The following PPP1R42 variants were observed in gnomAD, a reference collection of about 807,000 sequenced individuals.
The protein encoded by PPP1R42 is leucine rich repeat containing 67.
A neutral mutation model predicts 31.0 loss-of-function variants in PPP1R42; 34 were observed. The observed-to-expected ratio is 1.10, with a 90% CI of 0.83 to 1.46. PPP1R42 has a LOEUF of 1.46. Ranked by LOEUF, PPP1R42 falls within the 40% of genes most tolerant of loss-of-function variation. PPP1R42 has a pLI of 0.00. For missense variants in PPP1R42, 268 were observed against 303.0 expected (o/e 0.88, Z 0.86); for synonymous variants, 103 against 109.8 (o/e 0.94, Z 0.39).
chr8:66,994,726 T>C (rs191513396), intron 5 of PPP1R42, among the ~76,000 whole-genome samples: 2 of 152,336 alleles, frequency 1.3e-5, no homozygotes, highest in Admixed American at 6.5e-5. Context: ...GAGTAATCTA[T>C]TACAATATTT....
chr8:67,023,793 A>G (rs1043632714), intron 1 of PPP1R42, among the ~76,000 whole-genome samples: 2 of 151,824 alleles, frequency 1.3e-5, no homozygotes, highest in East Asian at 1.9e-4. Context: ...ACCAAGTATG[A>G]TATCTGCTGT....
intron 6 of PPP1R42, chr8:66,984,857 G>A (rs1226118454): frequency 3.8e-6 from 6 of 1,587,712 alleles, no homozygotes; most frequent in African/African-American, 1.3e-5. Context: ...AGTTCCTTCT[G>A]TGCTTCCCTC....
At chr8:67,026,418 C>A (rs1340421550) in intron 1 of PPP1R42, among the ~76,000 whole-genome samples, 1 of 151,996 alleles carries the variant, frequency 6.6e-6, no homozygotes, top group African/African-American at 2.4e-5. Flanking sequence ...GTGAAGGGTT[C>A]CTGTAAAAAC....
chr8:66,968,969 C>T lies in PPP1R42; in HGVS notation c.803-4635G>A, dbSNP rs555054818. Among the ~76,000 whole-genome samples, 11 of 152,284 alleles carry T rather than the reference C, an allele frequency of 7.2e-5. No homozygotes were observed. In the East Asian group the frequency reaches 2.1e-3, roughly 29 times the overall value. On this transcript the variant is annotated intron_variant, in intron 7 of 7. Transcript: ENST00000685739. ...CAGAGGCAGGACATTCTTATGTTCT[C>T]ACAGAACCCTTTTGGTTTGCTGGCT...
chr8:66,987,233 A>C (rs576546387), intron 6 of PPP1R42, among the ~76,000 whole-genome samples: 6 of 151,402 alleles, frequency 4.0e-5, no homozygotes, highest in Non-Finnish European at 8.8e-5. Flanking sequence ...CTGAGGAATG[A>C]CTAGGAAACT....
At chr8:67,012,914 T>G in intron 4 of PPP1R42, 44 bp downstream of exon 4, 5 of 1,531,524 alleles carry the variant, frequency 3.3e-6, no homozygotes, top group South Asian at 1.3e-5. Context: ...TTATAACTTG[T>G]TAATCACTAT....
chr8:66,997,023 T>C (rs1412112774), intron 5 of PPP1R42, among the ~76,000 whole-genome samples: 1 of 152,118 alleles, frequency 6.6e-6, no homozygotes, highest in African/African-American at 2.4e-5. Flanking sequence ...TGTGGTGGCA[T>C]GTGCCTGTAA....
At chr8:67,012,874 C>T in intron 4 of PPP1R42, 84 bp downstream of exon 4, 6 of 1,333,112 alleles carry the variant, frequency 4.5e-6, no homozygotes, top group Non-Finnish European at 6.0e-6. Flanking sequence ...GTACAATGTC[C>T]AAATATACCT....
At chr8:67,003,697 G>A (rs1815579627) in intron 5 of PPP1R42, among the ~76,000 whole-genome samples, 2 of 152,084 alleles carry the variant, frequency 1.3e-5, no homozygotes, top group African/African-American at 2.4e-5. Context: ...TGGTCCAAAT[G>A]TGTCCCCCAA....
intron 5 of PPP1R42, among the ~76,000 whole-genome samples, chr8:67,004,445 G>A (rs1042158250): frequency 6.6e-6 from 1 of 152,146 alleles, no homozygotes; most frequent in Non-Finnish European, 1.5e-5. Flanking sequence ...TGGATCTTCT[G>A]AATTAATTCT....
At chr8:67,028,455 C>T (rs1005850952) in intron 1 of PPP1R42, 36 bp downstream of exon 1, 22 of 984,196 alleles carry the variant, frequency 2.2e-5, no homozygotes, top group Admixed American at 1.8e-4. Flanking sequence ...CTAGGGTTTC[C>T]TCGGTCCCCA....
chr8:66,979,277 C>G (rs913810627), intron 7 of PPP1R42, among the ~76,000 whole-genome samples: 8 of 152,118 alleles, frequency 5.3e-5, no homozygotes, highest in Non-Finnish European at 1.0e-4. Flanking sequence ...TATGGATATC[C>G]AGTTTTCCCA....
intron 5 of PPP1R42, among the ~76,000 whole-genome samples, chr8:66,998,258 G>A (rs1815390306): frequency 6.6e-6 from 1 of 152,080 alleles, no homozygotes; most frequent in African/African-American, 2.4e-5. Context: ...TTATTGTACA[G>A]CTCTTGCACA....
intron 1 of PPP1R42, among the ~76,000 whole-genome samples, chr8:67,019,571 CTT>C (rs1430997965): frequency 4.0e-5 from 6 of 151,826 alleles, no homozygotes; most frequent in African/African-American, 1.5e-4. Flanking sequence ...ATTATTCACT[CTT>C]GGAGTAAAAA....
At chr8:66,972,765 A>G (rs1479682761) in intron 7 of PPP1R42, among the ~76,000 whole-genome samples, 1 of 152,156 alleles carries the variant, frequency 6.6e-6, no homozygotes, top group East Asian at 1.9e-4. Flanking sequence ...TTGTCATATT[A>G]TCCTATTTCC....
chr8:67,010,139 C>T (rs527743506), intron 5 of PPP1R42, among the ~76,000 whole-genome samples: 5 of 152,254 alleles, frequency 3.3e-5, no homozygotes, highest in Admixed American at 6.5e-5. Context: ...TATTGCAGAT[C>T]AAGACCGTAT....
chr8:66,967,456 A>T (rs1814416327), intron 7 of PPP1R42, among the ~76,000 whole-genome samples: 1 of 152,196 alleles, frequency 6.6e-6, no homozygotes, highest in Non-Finnish European at 1.5e-5. Context: ...AACAAAGCAA[A>T]ATTTGCAAGT....
intron 5 of PPP1R42, among the ~76,000 whole-genome samples, chr8:67,005,681 T>C (rs1383678680): frequency 6.6e-6 from 1 of 152,162 alleles, no homozygotes; most frequent in Non-Finnish European, 1.5e-5. Flanking sequence ...CAACAAGTTA[T>C]ATGAATTCCA....
chr8:67,012,888 C>G, intron 4 of PPP1R42, 70 bp downstream of exon 4: 1 of 1,425,592 alleles, frequency 7.0e-7, no homozygotes, highest in Non-Finnish European at 9.4e-7. Context: ...TATACCTTCA[C>G]CACATTCCTG....
Sources: gnomAD v4.1 joint callset for allele counts (sites outside exome capture counted in the v4.1 genomes callset) on GRCh38, gnomAD v4.1.1 for gene constraint, MANE v1.5 for transcripts, NCBI Gene and HGNC (gene_info 2026-07-23, HGNC 2026-07-21) for gene names.